CENPQ: variants seen among roughly 807,000 people sequenced by gnomAD.
The protein encoded by CENPQ is chromosome 6 open reading frame 139.
CENPQ carries 27 observed loss-of-function variants against 36.6 expected under a neutral mutation model. That is an observed-to-expected ratio of 0.74 (90% CI 0.54 to 1.02). The LOEUF (loss-of-function observed/expected upper bound fraction) is 1.02, where lower values mean the gene tolerates loss of function less well. Among genes scored for constraint, CENPQ ranks in the 50% least tolerant of loss-of-function variants. CENPQ has a pLI of 0.00. For synonymous variants in CENPQ, 101 were observed against 101.7 expected (o/e 0.99, Z 0.04); for missense variants, 306 against 301.8 (o/e 1.01, Z -0.10).
chr6:49,482,509 G>A (rs1308793590), intron 6 of CENPQ, among the ~76,000 whole-genome samples: 1 of 152,204 alleles, frequency 6.6e-6, no homozygotes, highest in Non-Finnish European at 1.5e-5. Flanking sequence ...CCAGAGGGGA[G>A]GTCTCTAGGC....
intron 6 of CENPQ, among the ~76,000 whole-genome samples, chr6:49,483,692 G>T (rs1320797369): frequency 6.6e-6 from 1 of 152,238 alleles, no homozygotes; most frequent in Non-Finnish European, 1.5e-5. Context: ...GGCTGGCAGG[G>T]CCAGCCAGCT....
intron 1 of CENPQ, among the ~76,000 whole-genome samples, chr6:49,466,405 G>GACA (rs899256903): frequency 1.3e-4 from 20 of 152,244 alleles, no homozygotes; most frequent in African/African-American, 4.8e-4. Context: ...TAGTTTGTAA[G>GACA]ACAACAACAA....
At chr6:49,483,607 T>G (rs956123365) in intron 6 of CENPQ, among the ~76,000 whole-genome samples, 1 of 152,112 alleles carries the variant, frequency 6.6e-6, no homozygotes, top group Non-Finnish European at 1.5e-5. Context: ...GCAGTGCCGG[T>G]GGGCTGGCAC....
chr6:49,484,794 G>A (rs553633621), intron 6 of CENPQ, among the ~76,000 whole-genome samples: 1 of 152,202 alleles, frequency 6.6e-6, no homozygotes, highest in East Asian at 1.9e-4. Context: ...TCCATCCCAA[G>A]GTTCCTACTT....
Position 49,472,141 on chromosome 6 carries a change from G to C in CENPQ, c.236G>C (p.Ser79Thr). The C allele has an allele frequency of 6.2e-7, 1 of 1,612,578 alleles. No individual in the cohort carries two copies. ...KRKTWQPLSK[S>T]TRDHLQTMME... ...AAAACCTGGCAACCTCTGTCAAAGA[G>C]TACCAGAGACCATTTGCAAACTATG... The change falls in exon 4 of 9, where the codon AGT becomes ACT. Residue 79 changes from serine (S) to threonine (T), a missense_variant. Ser to Thr is a moderately conservative substitution (Grantham distance 58). Transcript: ENST00000335783.
chr6:49,488,561 G>A (rs904400288), intron 7 of CENPQ, 46 bp from the exon 8 acceptor site: 2 of 1,596,208 alleles, frequency 1.3e-6, no homozygotes, highest in Admixed American at 3.4e-5. Flanking sequence ...AATATGATGA[G>A]AGAAATCAGC....
chr6:49,476,520 T>C (rs570967628), intron 5 of CENPQ, among the ~76,000 whole-genome samples: 2 of 152,224 alleles, frequency 1.3e-5, no homozygotes, highest in African/African-American at 4.8e-5. Flanking sequence ...TGGGCAAGGA[T>C]TTCATGTCCG....
At chr6:49,484,483 A>T (rs1768531196) in intron 6 of CENPQ, among the ~76,000 whole-genome samples, 1 of 152,240 alleles carries the variant, frequency 6.6e-6, no homozygotes, top group African/African-American at 2.4e-5. Flanking sequence ...TTATTAGATA[A>T]TTATAAAAAC....
intron 1 of CENPQ, among the ~76,000 whole-genome samples, chr6:49,466,988 A>C (rs1027003745): frequency 2.2e-4 from 33 of 152,192 alleles, no homozygotes; most frequent in African/African-American, 7.5e-4. Flanking sequence ...GTCTGGAAAC[A>C]ATTTTGATTG....
rs943253784 is a variant in CENPQ, at chr6:49,481,574, C to T, written c.477+494C>T. Among the ~76,000 whole-genome samples the T allele has an allele frequency of 5.3e-5, 8 of 152,154 alleles. No homozygotes were observed. In the South Asian group the frequency reaches 6.2e-4, roughly 12 times the overall value. On this transcript the variant is annotated intron_variant, in intron 6 of 8. Coordinates refer to ENST00000335783, the MANE Select transcript of CENPQ (RefSeq NM_018132.4). ...AGCTTCCACAGCATGGAAGGGGACC[C>T]GAGAGGGTTGCCACTGCTGGCTCAG...
intron 5 of CENPQ, among the ~76,000 whole-genome samples, chr6:49,476,731 AAAAC>A (rs1289148480): frequency 6.6e-6 from 1 of 151,830 alleles, no homozygotes; most frequent in Non-Finnish European, 1.5e-5. Flanking sequence ...TTACAAGAAA[AAAAC>A]AACCCTATCA....
chr6:49,471,571 A>G (rs1768135111), intron 3 of CENPQ, among the ~76,000 whole-genome samples: 1 of 152,112 alleles, frequency 6.6e-6, no homozygotes, highest in African/African-American at 2.4e-5. Context: ...AATTTGTTCA[A>G]TATCCCTTCT....
At chr6:49,470,618 G>A (rs574917602) in intron 2 of CENPQ, among the ~76,000 whole-genome samples, 1,093 of 91,602 alleles carry the variant, frequency 0.012, 9 homozygotes, top group Non-Finnish European at 0.017. Flanking sequence ...GTGAGACTCC[G>A]TCTCAAAAAA....
chr6:49,483,151 A>G (rs1043382423), intron 6 of CENPQ, among the ~76,000 whole-genome samples: 1 of 152,134 alleles, frequency 6.6e-6, no homozygotes, highest in African/African-American at 2.4e-5. Flanking sequence ...AGCTAGACAC[A>G]AAGGTTCTCC....
intron 5 of CENPQ, among the ~76,000 whole-genome samples, chr6:49,476,177 A>T (rs1269833239): frequency 2.0e-5 from 3 of 152,100 alleles, no homozygotes; most frequent in Non-Finnish European, 2.9e-5. Context: ...CAAACTATAT[A>T]AAAAGGCTAT....
intron 6 of CENPQ, among the ~76,000 whole-genome samples, chr6:49,481,516 T>C (rs1305917280): frequency 6.6e-6 from 1 of 152,096 alleles, no homozygotes; most frequent in African/African-American, 2.4e-5. Flanking sequence ...GAGTGAGCAG[T>C]AGCAAGATTT....
intron 1 of CENPQ, among the ~76,000 whole-genome samples, chr6:49,468,393 G>C (rs1768052902): frequency 6.6e-6 from 1 of 151,982 alleles, no homozygotes; most frequent in African/African-American, 2.4e-5. Context: ...AGGAGTTCGA[G>C]ACCGGCCTGA....
chr6:49,492,624 G>A lies in CENPQ; in HGVS notation c.*349G>A, dbSNP rs1768752602. 1 of 170,740 alleles carries A rather than the reference G, an allele frequency of 5.9e-6. No homozygotes were observed. The highest frequency in any genetic ancestry group is 1.6e-4 in the South Asian group (1 of 6,228). The allele number at this position is 170,740 out of a possible 1,614,324, so 10.6% of individuals were successfully genotyped here. On this transcript the variant is annotated 3_prime_UTR_variant, in exon 9 of 9. Transcript: ENST00000335783. Reference sequence around the variant, plus strand: ...TCATATCAGGAGCTGTGATAAGTAAGTGTTTACATACACTGTCTAGTGCAT... The same window carrying A: ...TCATATCAGGAGCTGTGATAAGTAAATGTTTACATACACTGTCTAGTGCAT...
chr6:49,469,284 T>TA (rs1217277181), intron 1 of CENPQ, among the ~76,000 whole-genome samples: 1 of 152,248 alleles, frequency 6.6e-6, no homozygotes, highest in Non-Finnish European at 1.5e-5. Context: ...ATGAATAATT[T>TA]ATCTGTATAT....
Sources: gnomAD v4.1 joint callset for allele counts (sites outside exome capture counted in the v4.1 genomes callset) on GRCh38, gnomAD v4.1.1 for gene constraint, MANE v1.5 for transcripts, NCBI Gene and HGNC (gene_info 2026-07-23, HGNC 2026-07-21) for gene names.